KALRN: variants seen among roughly 807,000 people sequenced by gnomAD.
The protein encoded by KALRN is kalirin.
In KALRN, 70 loss-of-function variants were observed where a neutral mutation model predicts 353.7. That is an observed-to-expected ratio of 0.20 (90% CI 0.16 to 0.24). The LOEUF (loss-of-function observed/expected upper bound fraction) is 0.24, where lower values mean the gene tolerates loss of function less well. Among genes scored for constraint, KALRN ranks in the 10% least tolerant of loss-of-function variants. The pLI, the probability that KALRN is intolerant of heterozygous loss-of-function variation, is 1.00. For synonymous variants in KALRN, 1,391 were observed against 1,434.8 expected, an observed-to-expected ratio of 0.97 and a Z score of 0.69; for missense variants, 2,791 against 3,756.7, an observed-to-expected ratio of 0.74 and a Z score of 6.72.
chr3:124,674,535 G>T lies in KALRN; in HGVS notation c.7114G>T (p.Ala2372Ser), dbSNP rs781679134. 1.2e-6 allele frequency: 2 copies of T among 1,613,580 alleles called. No homozygotes were observed. The highest frequency in any genetic ancestry group is 2.2e-5 in the East Asian group (1 of 44,868). The change falls in exon 49 of 60, where the codon GCC (alanine) becomes TCC (serine). Residue 2372 changes from alanine to serine, a missense_variant. Ala to Ser is a moderately conservative substitution (Grantham distance 99, BLOSUM62 1). Around this residue, in one of 11 missense-constraint regions of KALRN, gnomAD observed 1,065 missense variants for 1,156.4 expected, o/e 0.92. Transcript: ENST00000682506. ...YQPASDHSPA[A>S]EGWVPGSILA... ...GCCTGCCAGCGACCATTCCCCCGCC[G>T]CCGAGGGCTGGGTCCCAGGCAGCAT...
chr3:124,273,144 T>A (rs2074345416), intron 5 of KALRN, among the ~76,000 whole-genome samples: 1 of 152,256 alleles, frequency 6.6e-6, no homozygotes, highest in African/African-American at 2.4e-5. Context: ...GTTCCCCATT[T>A]ACCAGCTGGC....
At chr3:124,368,465 G>A (rs1234213046) in intron 10 of KALRN, among the ~76,000 whole-genome samples, 1 of 150,208 alleles carries the variant, frequency 6.7e-6, no homozygotes, top group East Asian at 2.0e-4. Context: ...CAGACGATGG[G>A]CGGCCGGGCA....
intron 1 of KALRN, among the ~76,000 whole-genome samples, chr3:124,208,475 G>A (rs2076611489): frequency 1.3e-5 from 2 of 152,086 alleles, no homozygotes; most frequent in Non-Finnish European, 2.9e-5. Context: ...TTAAAGGAAG[G>A]GCAGATAGCT....
chr3:124,581,787 T>G (rs573059329), intron 34 of KALRN, among the ~76,000 whole-genome samples: 30 of 152,276 alleles, frequency 2.0e-4, no homozygotes, highest in African/African-American at 7.0e-4. Flanking sequence ...AAAGTTAATT[T>G]TTACAGACAG....
rs957643317 is a variant in KALRN at position 124,456,545 on chromosome 3, T to C, written c.3736-65T>C. 2.6e-5 allele frequency: 30 copies of C among 1,146,388 alleles called. No individual in the cohort carries two copies. The Admixed American group carries it at 3.3e-4, about 12-fold the overall frequency. The allele number at this position is 1,146,388 out of a possible 1,614,324, so 71.0% of individuals were successfully genotyped here. On this transcript the variant is annotated intron_variant, in intron 22 of 59. Transcript: ENST00000682506. ...TTTTTTCCCCCTTTTACCACCTCCC[T>C]CAACTCCAGTGAGTTGCTTTCCCAA...
intron 53 of KALRN, 77 bp from the exon 54 acceptor site, chr3:124,696,057 C>A (rs1237974828): frequency 6.6e-7 from 1 of 1,522,438 alleles, no homozygotes. Context: ...ACACCATGGG[C>A]CAACCCTATG....
At chr3:124,420,538 G>C (rs1426301774) in intron 14 of KALRN, among the ~76,000 whole-genome samples, 1 of 152,168 alleles carries the variant, frequency 6.6e-6, no homozygotes, top group South Asian at 2.1e-4. Context: ...TTTCAGTCAA[G>C]GAGGTGCTCT....
chr3:124,289,262 T>C (rs1295837875), intron 5 of KALRN, among the ~76,000 whole-genome samples: 1 of 152,146 alleles, frequency 6.6e-6, no homozygotes, highest in Non-Finnish European at 1.5e-5. Flanking sequence ...ACATATGAAC[T>C]TGGGGATTAA....
chr3:124,251,137 C>T (rs2071089194), intron 3 of KALRN, among the ~76,000 whole-genome samples: 1 of 152,176 alleles, frequency 6.6e-6, no homozygotes, highest in Admixed American at 6.5e-5. Context: ...TGTTTCAGAG[C>T]CTGTAAGGCT....
chr3:124,433,317 G>A (rs1475852186), intron 16 of KALRN, among the ~76,000 whole-genome samples: 1 of 151,918 alleles, frequency 6.6e-6, no homozygotes, highest in Non-Finnish European at 1.5e-5. Context: ...CTGGTCAGAT[G>A]TGGTGGTTCT....
intron 5 of KALRN, among the ~76,000 whole-genome samples, chr3:124,292,488 A>G (rs1025864368): frequency 2.6e-5 from 4 of 152,182 alleles, no homozygotes; most frequent in Non-Finnish European, 5.9e-5. Flanking sequence ...AGGAAGTAAG[A>G]TTCCCTGGTC....
In KALRN at chr3:124,446,195, C is replaced by T. The variant is rs140963587; in HGVS notation, c.3348C>T (p.Arg1116=). The T allele has an allele frequency of 7.4e-6, 12 of 1,614,098 alleles. No homozygotes were observed. The highest frequency in any genetic ancestry group is 6.7e-5 in the Admixed American group (4 of 60,026). Residue 1116 remains arginine (R), a synonymous_variant, in exon 20 of 60, where the codon CGC becomes CGT. Transcript: ENST00000682506. ...ILSELLQREN[R]VLHFWTLKKR... ...GTGAGCTCCTGCAGAGGGAGAATCGCGTGCTGCATTTCTGGACCTTGAAGA... is the reference window on the plus strand; with the variant it reads ...GTGAGCTCCTGCAGAGGGAGAATCGTGTGCTGCATTTCTGGACCTTGAAGA...
rs1439564455 is a variant in KALRN at position 124,694,450 on chromosome 3, C to T, written c.7524C>T (p.Asp2508=). 6.2e-7 allele frequency: 1 copy of T among 1,614,194 alleles called. No homozygotes were observed. Among genetic ancestry groups the T allele is most frequent in the South Asian group, 1.1e-5 (1 of 91,078 alleles). ...CCACCATCACTTGGAAGGGTCCAGA[C>T]CAGAACATCCTTGACACTGATAACA... is the stretch of plus-strand genomic sequence containing the variant. ...PKPTITWKGP[D]QNILDTDNSS... is the part of the protein sequence containing the mutation. Residue 2508 remains aspartate, a synonymous_variant, in exon 53 of 60, where the codon GAC becomes GAT. Transcript: ENST00000682506.
In KALRN at chr3:124,595,273, G is replaced by A. The variant is rs1012618820; in HGVS notation, c.5182+32184G>A. Among the ~76,000 whole-genome samples the A allele has an allele frequency of 9.9e-5, 15 of 151,668 alleles. No individual in the cohort carries two copies. In the East Asian group the frequency reaches 1.5e-3, roughly 16 times the overall value. ...TGAACGACTTCTACTACATTTTAAT[G>A]AATGTATTCCATGGTATACTGGAGC... On this transcript the variant is annotated intron_variant, in intron 34 of 59. Coordinates refer to ENST00000682506, the MANE Select transcript of KALRN (RefSeq NM_001388419.1).
intron 58 of KALRN, among the ~76,000 whole-genome samples, chr3:124,716,108 C>T (rs1260532606): frequency 1.3e-5 from 2 of 152,140 alleles, no homozygotes; most frequent in African/African-American, 4.8e-5. Context: ...GACTTGCTCC[C>T]AGCCTTCAGC....
At chr3:124,590,760 G>C (rs1458750145) in intron 34 of KALRN, among the ~76,000 whole-genome samples, 1 of 152,042 alleles carries the variant, frequency 6.6e-6, no homozygotes, top group Non-Finnish European at 1.5e-5. Context: ...CTCTGGAAAA[G>C]GCTGAGGTCT....
At position 124,655,687 on chromosome 3, in the gene KALRN, T is replaced by C; in HGVS notation, c.5862+20T>C. On this transcript the variant is annotated intron_variant, in intron 39 of 59. Transcript: ENST00000682506. ...GTGGAGGTAAGTAGAGGGTTCCAGGTGGGTCTGTGGTCACCCAACCAGGAG... is the reference window on the plus strand; with the variant it reads ...GTGGAGGTAAGTAGAGGGTTCCAGGCGGGTCTGTGGTCACCCAACCAGGAG... The C allele has an allele frequency of 6.2e-7, 1 of 1,605,464 alleles. No homozygotes were observed.
At chr3:124,439,137 CTCTTTCTCTT>C (rs1352667495) in intron 18 of KALRN, 100 bp downstream of exon 18, 8 of 1,169,102 alleles carry the variant, frequency 6.8e-6, no homozygotes, top group Non-Finnish European at 9.6e-6. Context: ...CTCTTTCTCT[CTCTTTCTCTT>C]TCTCTCTCTT....
At position 124,298,834 on chromosome 3, in the gene KALRN, G is replaced by A; in HGVS notation, c.1013G>A (p.Ser338Asn). 6.2e-7 allele frequency: 1 copy of A among 1,614,128 alleles called. No individual in the cohort carries two copies. Among genetic ancestry groups the A allele is most frequent in the African/African-American group, 1.3e-5 (1 of 75,046 alleles). Residue 338 changes from serine to asparagine, a missense_variant, in exon 6 of 60, where the codon AGC becomes AAC. This residue lies in a region of KALRN where 366 missense variants were observed against 489.2 expected (regional missense o/e 0.75). Transcript: ENST00000682506. Reference protein sequence around the residue: ...ISHNKELFLQSHTEIGVSYQY... With the variant: ...ISHNKELFLQNHTEIGVSYQY... Reference sequence around the variant, plus strand: ...CACAACAAGGAGTTATTCCTCCAGAGCCACACGGAGATCGGAGTCAGCTAC... The same window carrying A: ...CACAACAAGGAGTTATTCCTCCAGAACCACACGGAGATCGGAGTCAGCTAC...
Sources: gnomAD v4.1 joint callset for allele counts (sites outside exome capture counted in the v4.1 genomes callset) on GRCh38, gnomAD v4.1.1 for gene constraint, gnomAD v4.1.1 regional missense constraint, MANE v1.5 for transcripts, NCBI Gene and HGNC (gene_info 2026-07-23, HGNC 2026-07-21) for gene names.